The following FAT3 variants were observed in gnomAD, a reference collection of about 807,000 sequenced individuals.
The protein encoded by FAT3 is FAT atypical cadherin 3, also known as protocadherin Fat 3.
Under a neutral mutation model 310.2 loss-of-function variants are expected in FAT3, and 95 were observed. That is an observed-to-expected ratio of 0.31 (90% CI 0.26 to 0.36). The LOEUF (loss-of-function observed/expected upper bound fraction) is 0.36, where lower values mean the gene tolerates loss of function less well. Among genes scored for constraint, FAT3 ranks in the 10% least tolerant of loss-of-function variants. The probability of loss-of-function intolerance (pLI) is 1.00; values close to 1 mark genes in which losing one functional copy is unlikely to be tolerated. For synonymous variants in FAT3, 2,314 were observed against 2,192.9 expected, an observed-to-expected ratio of 1.06 and a Z score of -1.54; for missense variants, 5,408 against 5,715.6, an observed-to-expected ratio of 0.95 and a Z score of 1.74.
At chr11:92,361,271 C>T (rs904071143) in intron 2 of FAT3, among the ~76,000 whole-genome samples, 2 of 152,202 alleles carry the variant, frequency 1.3e-5, no homozygotes, top group Non-Finnish European at 2.9e-5. Context: ...AACTGGCTCA[C>T]TTTCCATTGG....
intron 1 of FAT3, among the ~76,000 whole-genome samples, chr11:92,279,202 C>A (rs926053173): frequency 6.6e-6 from 1 of 152,010 alleles, no homozygotes; most frequent in Non-Finnish European, 1.5e-5. Flanking sequence ...TTTAAATATC[C>A]ATCAGGGCTC....
chr11:92,502,502 C>T (rs774494309), intron 2 of FAT3, among the ~76,000 whole-genome samples: 2 of 151,894 alleles, frequency 1.3e-5, no homozygotes, highest in African/African-American at 2.4e-5. Context: ...GAGTGATGTC[C>T]AAAGACAACT....
chr11:92,234,728 C>T (rs902421324), intron 1 of FAT3, among the ~76,000 whole-genome samples: 4 of 151,910 alleles, frequency 2.6e-5, no homozygotes, highest in South Asian at 2.1e-4. Flanking sequence ...ATGGTGAAAC[C>T]GTATCTCTAC....
intron 3 of FAT3, among the ~76,000 whole-genome samples, chr11:92,616,451 T>A (rs1260268006): frequency 6.6e-6 from 1 of 152,214 alleles, no homozygotes; most frequent in Non-Finnish European, 1.5e-5. Context: ...TCTGTGTCCT[T>A]TAATTGGAGC....
In FAT3 at chr11:92,543,124, G is replaced by A. The variant is rs541982019; in HGVS notation, c.3607+18176G>A. Among the ~76,000 whole-genome samples the A allele has an allele frequency of 2.1e-4, 32 of 152,144 alleles. No individual in the cohort carries two copies. The South Asian group carries it at 6.6e-3, about 32-fold the overall frequency. The stretch of plus-strand genomic sequence containing the variant: ...TCACTCACATGGTGAATCTAAAAAA[G>A]TTGATCCCATAGAAATAGAGAGTAG... On this transcript the variant is annotated intron_variant, in intron 3 of 27. Coordinates refer to ENST00000525166, the MANE Select transcript of FAT3 (RefSeq NM_001367949.2).
At chr11:92,656,836 G>T (rs894293295) in intron 3 of FAT3, among the ~76,000 whole-genome samples, 1 of 152,082 alleles carries the variant, frequency 6.6e-6, no homozygotes, top group South Asian at 2.1e-4. Flanking sequence ...ATGCAGACTC[G>T]ACCCTTGGAA....
At chr11:92,348,564 T>C (rs1948475411) in intron 1 of FAT3, among the ~76,000 whole-genome samples, 1 of 152,162 alleles carries the variant, frequency 6.6e-6, no homozygotes, top group Non-Finnish European at 1.5e-5. Flanking sequence ...GGGAGAGTAA[T>C]ATGGTGTCAG....
chr11:92,836,758 T>A, intron 16 of FAT3, 55 bp downstream of exon 16: 1 of 1,583,150 alleles, frequency 6.3e-7, no homozygotes, highest in Non-Finnish European at 8.6e-7. Flanking sequence ...TTTCCTAGAA[T>A]CAGGGGCACA....
At chr11:92,384,982 G>A (rs1332347642) in intron 2 of FAT3, among the ~76,000 whole-genome samples, 2 of 152,142 alleles carry the variant, frequency 1.3e-5, no homozygotes, top group East Asian at 1.9e-4. Flanking sequence ...CCAGATTTCC[G>A]CAGACAACCA....
intron 3 of FAT3, among the ~76,000 whole-genome samples, chr11:92,604,362 C>T (rs112467193): frequency 1.1e-4 from 16 of 152,242 alleles, no homozygotes; most frequent in African/African-American, 3.4e-4. Flanking sequence ...TTTAATTAGT[C>T]CTTACTTCCT....
intron 2 of FAT3, among the ~76,000 whole-genome samples, chr11:92,374,577 C>A (rs909606725): frequency 3.3e-5 from 5 of 152,108 alleles, no homozygotes; most frequent in African/African-American, 9.7e-5. Flanking sequence ...ATTTAAAAAC[C>A]CACTATGAAC....
intron 3 of FAT3, among the ~76,000 whole-genome samples, chr11:92,674,024 T>G (rs1943210823): frequency 6.6e-6 from 1 of 151,784 alleles, no homozygotes; most frequent in Non-Finnish European, 1.5e-5. Context: ...CTACTAAAAA[T>G]ACAAAAATTA....
chr11:92,811,355 A>G (rs1473615132), intron 13 of FAT3, among the ~76,000 whole-genome samples: 1 of 152,198 alleles, frequency 6.6e-6, no homozygotes, highest in African/African-American at 2.4e-5. Context: ...GCCATAGATG[A>G]TATTTTAAAA....
At chr11:92,277,235 T>C (rs1318777285) in intron 1 of FAT3, among the ~76,000 whole-genome samples, 1 of 152,170 alleles carries the variant, frequency 6.6e-6, no homozygotes, top group African/African-American at 2.4e-5. Flanking sequence ...AGATATAACA[T>C]CTAGAAGGTT....
At chr11:92,308,565 A>G (rs1014374771) in intron 1 of FAT3, among the ~76,000 whole-genome samples, 21 of 152,208 alleles carry the variant, frequency 1.4e-4, no homozygotes, top group African/African-American at 4.8e-4. Context: ...TAACATGTAT[A>G]TGAGTCAATC....
intron 2 of FAT3, among the ~76,000 whole-genome samples, chr11:92,420,593 G>T (rs971552035): frequency 3.3e-5 from 5 of 151,996 alleles, no homozygotes; most frequent in African/African-American, 1.2e-4. Flanking sequence ...CTTGATGGGG[G>T]GGTTAAGAGT....
chr11:92,889,898 G>A lies in FAT3; in HGVS notation c.13147+7G>A, dbSNP rs1399689502. 4.2e-6 allele frequency: 3 copies of A among 717,970 alleles called. No homozygotes were observed. Among genetic ancestry groups the A allele is most frequent in the Non-Finnish European group, 7.8e-6 (3 of 385,228 alleles). 44.5% of individuals were successfully genotyped at this position (717,970 alleles called of 1,614,324 possible). On this transcript the variant is annotated splice_region_variant and intron_variant, in intron 27 of 27. Transcript: ENST00000525166. ...GGACAGAACTACAACCGAGGTGACT[G>A]TGCCGCAACCCTAGCATAACTTTTT...
At chr11:92,315,069 T>A (rs1465196110) in intron 1 of FAT3, among the ~76,000 whole-genome samples, 1 of 151,608 alleles carries the variant, frequency 6.6e-6, no homozygotes, top group Non-Finnish European at 1.5e-5. Flanking sequence ...AGAGGAAACA[T>A]AAGAAACATT....
intron 3 of FAT3, among the ~76,000 whole-genome samples, chr11:92,607,028 G>A (rs1019369420): frequency 4.6e-5 from 7 of 152,144 alleles, no homozygotes; most frequent in African/African-American, 1.2e-4. Flanking sequence ...CTCGCCATTA[G>A]CCATGAATAG....
Sources: gnomAD v4.1 joint callset for allele counts (sites outside exome capture counted in the v4.1 genomes callset) on GRCh38, gnomAD v4.1.1 for gene constraint, MANE v1.5 for transcripts, NCBI Gene and HGNC (gene_info 2026-07-23, HGNC 2026-07-21) for gene names.